EYS: variants seen among roughly 807,000 people sequenced by gnomAD.
EYS encodes EGF-like photoreceptor maintenance factor.
In EYS, 250 loss-of-function variants were observed where a neutral mutation model predicts 282.1. The observed-to-expected ratio is 0.89, with a 90% confidence interval of 0.80 to 0.98. The LOEUF (loss-of-function observed/expected upper bound fraction) is 0.98. Ranked by LOEUF, EYS falls within the 50% of genes least tolerant of loss-of-function variation. The pLI, the probability that EYS is intolerant of heterozygous loss-of-function variation, is 0.00. For synonymous variants in EYS, 1,355 were observed against 1,282.9 expected (o/e 1.06, Z -1.20); for missense variants, 4,016 against 3,709.0 (o/e 1.08, Z -2.15).
At chr6:65,292,516 A>G (rs1209386124) in intron 12 of EYS, among the ~76,000 whole-genome samples, 1 of 151,798 alleles carries the variant, frequency 6.6e-6, no homozygotes, top group Non-Finnish European at 1.5e-5. Context: ...TGATCACTCC[A>G]GTGAGTGTTC....
At chr6:64,291,158 A>G (rs1012963987) in intron 30 of EYS, among the ~76,000 whole-genome samples, 2 of 151,852 alleles carry the variant, frequency 1.3e-5, no homozygotes, top group Non-Finnish European at 2.9e-5. Context: ...AAAAGCAGAT[A>G]TTGAAAATAT....
intron 19 of EYS, among the ~76,000 whole-genome samples, chr6:64,870,238 A>G (rs939852608): frequency 6.6e-6 from 1 of 151,668 alleles, no homozygotes; most frequent in Non-Finnish European, 1.5e-5. Flanking sequence ...ATAAATATTC[A>G]TAAAAGTGCT....
At chr6:65,332,152 G>C in intron 11 of EYS, 1 of 478,278 alleles carries the variant, frequency 2.1e-6, no homozygotes, top group Non-Finnish European at 3.7e-6. Context: ...TCTCTTATCA[G>C]ATTGTGGAAG....
intron 30 of EYS, among the ~76,000 whole-genome samples, chr6:64,296,932 A>T (rs1401481243): frequency 6.6e-6 from 1 of 152,104 alleles, no homozygotes; most frequent in Non-Finnish European, 1.5e-5. Context: ...AACTATTTTG[A>T]AATAGTGAAG....
intron 8 of EYS, among the ~76,000 whole-genome samples, chr6:65,372,233 T>C (rs879818661): frequency 1.3e-5 from 2 of 152,102 alleles, no homozygotes; most frequent in African/African-American, 2.4e-5. Flanking sequence ...AAAGCTCCGA[T>C]GCTATTTTCT....
At chr6:64,258,651 C>A (rs1767482958) in intron 30 of EYS, among the ~76,000 whole-genome samples, 1 of 152,048 alleles carries the variant, frequency 6.6e-6, no homozygotes, top group Admixed American at 6.6e-5. Context: ...ATAGCATTTA[C>A]CTCAAGATAT....
chr6:64,095,773 G>A (rs1460238781), intron 31 of EYS, among the ~76,000 whole-genome samples: 5 of 152,088 alleles, frequency 3.3e-5, no homozygotes, highest in African/African-American at 1.2e-4. Context: ...TAATATTGTT[G>A]TGTGTGAATT....
chr6:65,079,889 G>A (rs1008734269), intron 12 of EYS, among the ~76,000 whole-genome samples: 7 of 152,042 alleles, frequency 4.6e-5, no homozygotes, highest in Non-Finnish European at 2.9e-5. Context: ...CAGAAAATTT[G>A]ATGGGGCTTG....
At chr6:63,944,230 CA>C (rs1240268182) in intron 35 of EYS, among the ~76,000 whole-genome samples, 1 of 152,154 alleles carries the variant, frequency 6.6e-6, no homozygotes, top group African/African-American at 2.4e-5. Context: ...AAACAATTTA[CA>C]GCAAAATATA....
chr6:64,358,533 C>A (rs1461245644), intron 29 of EYS, among the ~76,000 whole-genome samples: 1 of 151,598 alleles, frequency 6.6e-6, no homozygotes, highest in Non-Finnish European at 1.5e-5. Flanking sequence ...ACCCTCAGAT[C>A]TCAGGATGAA....
rs553518967 is a variant in EYS, at chr6:64,261,343, T to C, written c.6192-30519A>G. ...CAAAGGAAACAATCACAAAGTGAGATTGAGAATGTTAGGTTGATTTTTTAA... is the reference window on the plus strand; with the variant it reads ...CAAAGGAAACAATCACAAAGTGAGACTGAGAATGTTAGGTTGATTTTTTAA... On this transcript the variant is annotated intron_variant, in intron 30 of 42. Transcript: ENST00000503581. Among the ~76,000 whole-genome samples the C allele has an allele frequency of 7.2e-4, 109 of 152,186 alleles. 3 individuals carry two copies. The South Asian group carries it at 0.021, about 29-fold the overall frequency.
intron 24 of EYS, among the ~76,000 whole-genome samples, chr6:64,608,325 G>A (rs184766770): frequency 2.0e-5 from 3 of 152,218 alleles, no homozygotes; most frequent in Non-Finnish European, 2.9e-5. Flanking sequence ...AGACCAGAGA[G>A]GGAGAAGGGA....
At chr6:65,335,228 T>C (rs77096978) in intron 10 of EYS, 82 bp from the exon 11 acceptor site, 5 of 915,810 alleles carry the variant, frequency 5.5e-6, no homozygotes, top group South Asian at 4.0e-5. Context: ...GAGATCATGA[T>C]AGATGCCTCT....
intron 41 of EYS, among the ~76,000 whole-genome samples, chr6:63,735,107 G>C (rs1310807326): frequency 6.6e-6 from 1 of 152,106 alleles, no homozygotes; most frequent in Non-Finnish European, 1.5e-5. Context: ...CTCTGCCTGT[G>C]CATCAGTAGC....
intron 12 of EYS, among the ~76,000 whole-genome samples, chr6:65,064,483 A>G (rs55850810): frequency 0.17 from 24,373 of 145,978 alleles, 2,207 homozygotes; most frequent in Middle Eastern, 0.24. Context: ...TATGATATAT[A>G]GTATATATAA....
intron 22 of EYS, chr6:64,713,383 T>G (rs1187901842): frequency 6.6e-6 from 1 of 152,176 alleles, no homozygotes; most frequent in Non-Finnish European, 1.5e-5. Context: ...TTCATGATGC[T>G]GTCAGCGTGA....
intron 34 of EYS, among the ~76,000 whole-genome samples, chr6:63,993,407 A>C (rs1767693255): frequency 6.6e-6 from 1 of 151,882 alleles, no homozygotes; most frequent in Non-Finnish European, 1.5e-5. Flanking sequence ...TAATATACAT[A>C]GAAAACCTTA....
intron 8 of EYS, among the ~76,000 whole-genome samples, chr6:65,370,308 T>G (rs1478170807): frequency 1.4e-5 from 2 of 147,662 alleles, no homozygotes; most frequent in South Asian, 2.1e-4. Context: ...CAGGATGAAG[T>G]GCAGTAGCAC....
intron 31 of EYS, among the ~76,000 whole-genome samples, chr6:64,104,731 T>A: frequency 6.8e-6 from 1 of 147,382 alleles, no homozygotes; most frequent in Non-Finnish European, 1.5e-5. Context: ...ACTTATAATA[T>A]CTCTCTTCTG....
Sources: gnomAD v4.1 joint callset for allele counts (sites outside exome capture counted in the v4.1 genomes callset) on GRCh38, gnomAD v4.1.1 for gene constraint, MANE v1.5 for transcripts, NCBI Gene and HGNC (gene_info 2026-07-23, HGNC 2026-07-21) for gene names.